GPLD1: variants seen among roughly 807,000 people sequenced by gnomAD.
GPLD1 encodes the protein glycosylphosphatidylinositol specific phospholipase D1.
Under a neutral mutation model 112.6 loss-of-function variants are expected in GPLD1, and 84 were observed. The observed-to-expected ratio is 0.75, with a 90% CI of 0.63 to 0.89. The LOEUF (loss-of-function observed/expected upper bound fraction) is 0.89. Among genes scored for constraint, GPLD1 ranks in the 40% least tolerant of loss-of-function variants. GPLD1 has a pLI of 0.00. For missense variants in GPLD1, 1,044 were observed against 1,051.5 expected (o/e 0.99, Z 0.10); for synonymous variants, 386 against 403.8 (o/e 0.96, Z 0.53).
In GPLD1 at chr6:24,441,607, AG is replaced by A. The variant is rs1762748647; in HGVS notation, c.2020+3938del. ...ACTAATGAAAAAATTGCTGTGGATTAGGAAATGAGGAAAGTTGTGTCTAACC... is the reference window on the plus strand; with the variant it reads ...ACTAATGAAAAAATTGCTGTGGATTAGAAATGAGGAAAGTTGTGTCTAACC... On this transcript the variant is annotated intron_variant, in intron 20 of 24. Transcript: ENST00000230036. 3.3e-5 allele frequency among the ~76,000 whole-genome samples: 5 copies of A among 152,340 alleles called. No homozygotes were observed. In the South Asian group the frequency reaches 1.0e-3, roughly 32 times the overall value.
intron 3 of GPLD1, among the ~76,000 whole-genome samples, chr6:24,477,113 G>T (rs1274404128): frequency 6.6e-6 from 1 of 151,324 alleles, no homozygotes; most frequent in African/African-American, 2.4e-5. Flanking sequence ...AACAATTCTT[G>T]TTCTCCAGAA....
At chr6:24,485,200 G>A (rs1201683588) in intron 2 of GPLD1, among the ~76,000 whole-genome samples, 1 of 152,054 alleles carries the variant, frequency 6.6e-6, no homozygotes, top group African/African-American at 2.4e-5. Flanking sequence ...AACAAGAAGT[G>A]GAAAATAAAT....
intron 10 of GPLD1, among the ~76,000 whole-genome samples, chr6:24,465,211 A>G (rs944013162): frequency 8.6e-6 from 1 of 116,158 alleles, no homozygotes; most frequent in African/African-American, 3.4e-5. Context: ...AAAAAAAAAA[A>G]AAGAAAAGAA....
chr6:24,427,895 C>T lies in GPLD1; in HGVS notation c.*1137G>A, dbSNP rs536255291. On this transcript the variant is annotated 3_prime_UTR_variant, in exon 25 of 25. Coordinates refer to ENST00000230036, the MANE Select transcript of GPLD1 (RefSeq NM_001503.4). ...CTATCATCCTTAGCAAACTAACACA[C>T]GACCAGGAACAGAAAACCAAATACC... Among the ~76,000 whole-genome samples the T allele has an allele frequency of 5.6e-5, 8 of 141,638 alleles. No individual in the cohort carries two copies. The highest frequency in any genetic ancestry group is 2.3e-4 in the South Asian group (1 of 4,332). The allele number at this position is 141,638 out of a possible 152,430, so 92.9% of individuals were successfully genotyped here.
In GPLD1 at chr6:24,479,898, G is replaced by A; in HGVS notation, c.215C>T (p.Pro72Leu). 6.2e-7 allele frequency: 1 copy of A among 1,605,012 alleles called. No homozygotes were observed. Among genetic ancestry groups the A allele is most frequent in the Non-Finnish European group, 8.5e-7 (1 of 1,171,748 alleles). Residue 72 changes from proline (P) to leucine (L), a missense_variant, in exon 3 of 25, where the codon CCT (proline) becomes CTT (leucine). Transcript: ENST00000230036. ...AGIVFPDCFY[P>L]SICKGGKFHD... ...CATCTTACCTCCTTTGCAGATGCTA[G>A]GGTAAAAACAATCAGGAAACACGAT...
chr6:24,460,459 T>C, intron 11 of GPLD1, 60 bp from the exon 12 acceptor site: 1 of 1,568,714 alleles, frequency 6.4e-7, no homozygotes, highest in Non-Finnish European at 8.7e-7. Flanking sequence ...CCTGTAAAAC[T>C]GAGTTGAAGA....
chr6:24,455,076 C>G (rs1763225414), intron 13 of GPLD1, among the ~76,000 whole-genome samples: 1 of 152,216 alleles, frequency 6.6e-6, no homozygotes. Flanking sequence ...ACCCAGTGAG[C>G]CGAAATCAGA....
At chr6:24,486,031 G>T (rs773710560) in intron 2 of GPLD1, 44 bp downstream of exon 2, 16 of 1,167,562 alleles carry the variant, frequency 1.4e-5, no homozygotes, top group Non-Finnish European at 2.0e-5. Context: ...ACCTATAAAA[G>T]AAAACTAATG....
At chr6:24,480,128 A>G (rs1288594440) in intron 2 of GPLD1, among the ~76,000 whole-genome samples, 169 bp from the exon 3 acceptor site, 1 of 152,214 alleles carries the variant, frequency 6.6e-6, no homozygotes, top group Non-Finnish European at 1.5e-5. Flanking sequence ...TAAAATTCAC[A>G]CATAATCCAA....
intron 12 of GPLD1, 94 bp downstream of exon 12, chr6:24,460,185 T>A: frequency 6.9e-7 from 1 of 1,451,204 alleles, no homozygotes; most frequent in South Asian, 1.2e-5. Flanking sequence ...ACAGGTAAAT[T>A]TCAATGGACA....
chr6:24,489,284 G>A lies in GPLD1; in HGVS notation c.97+131C>T, dbSNP rs150921513. On this transcript the variant is annotated intron_variant, in intron 1 of 24. Coordinates refer to ENST00000230036, the MANE Select transcript of GPLD1 (RefSeq NM_001503.4). ...CTGCAATCACCGGCTTCTCCTCCCT[G>A]CTGTCAGGCCACTCAGCTCAGTGCC... 3,078 of 656,586 alleles carry A rather than the reference G, an allele frequency of 4.7e-3. 11 individuals carry two copies. Among genetic ancestry groups the A allele is most frequent in the Non-Finnish European group, 6.6e-3 (2,479 of 373,866 alleles). 40.7% of individuals were successfully genotyped at this position (656,586 alleles called of 1,614,324 possible).
intron 20 of GPLD1, among the ~76,000 whole-genome samples, chr6:24,437,981 C>T (rs1433098329): frequency 1.3e-5 from 2 of 152,150 alleles, no homozygotes; most frequent in Non-Finnish European, 2.9e-5. Context: ...TGGGCACAAA[C>T]GCTACAGAAC....
At chr6:24,462,328 T>G (rs1241632217) in intron 11 of GPLD1, among the ~76,000 whole-genome samples, 2 of 151,868 alleles carry the variant, frequency 1.3e-5, no homozygotes, top group Non-Finnish European at 2.9e-5. Context: ...GATATAGGGG[T>G]CTCACTATGT....
At chr6:24,464,403 C>T (rs1763531160) in intron 10 of GPLD1, among the ~76,000 whole-genome samples, 4 of 152,112 alleles carry the variant, frequency 2.6e-5, no homozygotes, top group Admixed American at 2.6e-4. Context: ...CACGGGAGAG[C>T]TTGGGGATTT....
chr6:24,451,332 CTTTT>C (rs76706819), intron 14 of GPLD1, among the ~76,000 whole-genome samples: 2 of 151,566 alleles, frequency 1.3e-5, no homozygotes, highest in African/African-American at 2.4e-5. Flanking sequence ...AATTCTTTCT[CTTTT>C]TTTTGTTTTT....
At chr6:24,425,590 ATG>A (rs1193473565), downstream of GPLD1, 1 of 152,246 alleles carries the variant, frequency 6.6e-6, no homozygotes, top group East Asian at 1.9e-4. Flanking sequence ...CCAAAAATAT[ATG>A]AAGTTCCTTG....
chr6:24,454,902 G>A (rs1763218450), intron 13 of GPLD1, among the ~76,000 whole-genome samples: 1 of 152,262 alleles, frequency 6.6e-6, no homozygotes, highest in African/African-American at 2.4e-5. Context: ...GCCAAGGCAG[G>A]TGGATCACCT....
At chr6:24,479,037 C>A (rs1274630622) in intron 3 of GPLD1, among the ~76,000 whole-genome samples, 2 of 152,092 alleles carry the variant, frequency 1.3e-5, no homozygotes, top group Non-Finnish European at 2.9e-5. Flanking sequence ...AGGGCATCAG[C>A]CTAATGGGTA....
Position 24,472,568 on chromosome 6 carries a change from T to C in GPLD1, c.545+14A>G, listed in dbSNP as rs758361841. 6.0e-6 allele frequency: 9 copies of C among 1,506,628 alleles called. No individual in the cohort carries two copies. Among genetic ancestry groups the C allele is most frequent in the African/African-American group, 2.7e-5 (2 of 72,840 alleles). 93.3% of individuals were successfully genotyped at this position (1,506,628 alleles called of 1,614,324 possible). A position where few individuals can be genotyped will look rare whatever the true frequency, so the allele number is the denominator to read the frequency against. On this transcript the variant is annotated intron_variant, in intron 7 of 24. Coordinates refer to ENST00000230036, the MANE Select transcript of GPLD1 (RefSeq NM_001503.4). ...CACTTAGATACCACATATTTAGATG[T>C]ACATTGCTCTTACCAGCGTCGTGCA...
Sources: allele counts gnomAD v4.1 joint callset (sites outside exome capture counted in the v4.1 genomes callset), GRCh38; gene constraint gnomAD v4.1.1; transcripts MANE v1.5; gene names NCBI Gene and HGNC (gene_info 2026-07-23, HGNC 2026-07-21).